Variants in SEMA3A observed in about 807,000 individuals in gnomAD.
The protein encoded by SEMA3A is semaphorin-3A.
Under a neutral mutation model 97.9 loss-of-function variants are expected in SEMA3A, and 29 were observed. The observed-to-expected ratio is 0.30, with a 90% CI of 0.22 to 0.40. SEMA3A has a LOEUF of 0.40. Among genes scored for constraint, SEMA3A ranks in the 10% least tolerant of loss-of-function variants. The probability of loss-of-function intolerance (pLI) is 1.00; values close to 1 mark genes in which losing one functional copy is unlikely to be tolerated. For synonymous variants in SEMA3A, 321 were observed against 323.7 expected, an observed-to-expected ratio of 0.99 and a Z score of 0.09; for missense variants, 763 against 951.3, an observed-to-expected ratio of 0.80 and a Z score of 2.60.
chr7:84,179,509 A>G (rs1797671540), intron 1 of SEMA3A, among the ~76,000 whole-genome samples: 1 of 152,166 alleles, frequency 6.6e-6, no homozygotes, highest in Non-Finnish European at 1.5e-5. Context: ...TCAATAGCAT[A>G]TCATAGAATA....
chr7:83,987,682 T>C (rs1204152496), intron 12 of SEMA3A, among the ~76,000 whole-genome samples: 1 of 152,198 alleles, frequency 6.6e-6, no homozygotes, highest in African/African-American at 2.4e-5. Flanking sequence ...ATGAACGAAT[T>C]CTTTACCAAT....
chr7:83,983,791 C>T (rs1344730670), intron 13 of SEMA3A, among the ~76,000 whole-genome samples: 2 of 152,102 alleles, frequency 1.3e-5, no homozygotes, highest in East Asian at 1.9e-4. Context: ...GCTTTTTCTG[C>T]CCAATTTAAC....
intron 15 of SEMA3A, among the ~76,000 whole-genome samples, chr7:83,966,990 C>T (rs1242337985): frequency 2.0e-5 from 3 of 152,146 alleles, no homozygotes; most frequent in African/African-American, 7.2e-5. Context: ...GGATTACAGG[C>T]ATGAGCCACC....
intron 3 of SEMA3A, among the ~76,000 whole-genome samples, chr7:84,127,388 C>T (rs779287230): frequency 1.3e-5 from 2 of 151,936 alleles, no homozygotes; most frequent in Non-Finnish European, 2.9e-5. Flanking sequence ...AATTTTCCAC[C>T]CACTGACTCC....
chr7:84,485,311 GT>G (rs545706729), intron 1 of SEMA3A, among the ~76,000 whole-genome samples: 2 of 151,610 alleles, frequency 1.3e-5, no homozygotes, highest in East Asian at 1.9e-4. Flanking sequence ...AAAAATCAAA[GT>G]TTTTTGGTAC....
chr7:84,271,097 C>A (rs776525326), intron 3 of SEMA3A, among the ~76,000 whole-genome samples: 1 of 151,960 alleles, frequency 6.6e-6, no homozygotes, highest in Non-Finnish European at 1.5e-5. Context: ...ATATTGTGGA[C>A]AATATCATCT....
chr7:84,321,831 G>A (rs1229387826), intron 2 of SEMA3A, among the ~76,000 whole-genome samples: 1 of 123,866 alleles, frequency 8.1e-6, no homozygotes, highest in Non-Finnish European at 1.6e-5. Flanking sequence ...AGCCAAGATA[G>A]TGCCACTGCA....
At chr7:84,369,226 G>A (rs952254777) in intron 2 of SEMA3A, among the ~76,000 whole-genome samples, 1 of 150,928 alleles carries the variant, frequency 6.6e-6, no homozygotes, top group Non-Finnish European at 1.5e-5. Flanking sequence ...TTATAAATAT[G>A]TATTTTAATA....
chr7:84,192,132 C>T (rs1798063346), intron 1 of SEMA3A, among the ~76,000 whole-genome samples: 1 of 151,856 alleles, frequency 6.6e-6, no homozygotes, highest in Non-Finnish European at 1.5e-5. Context: ...TTTAACTCTT[C>T]ATGAATCATG....
chr7:84,355,825 G>C (rs1212618063), intron 2 of SEMA3A, among the ~76,000 whole-genome samples: 1 of 151,792 alleles, frequency 6.6e-6, no homozygotes, highest in Non-Finnish European at 1.5e-5. Flanking sequence ...AGACCGAGAA[G>C]AAAAGATCTA....
intron 3 of SEMA3A, among the ~76,000 whole-genome samples, chr7:84,125,723 G>A (rs967310765): frequency 5.3e-5 from 8 of 152,292 alleles, no homozygotes; most frequent in African/African-American, 1.7e-4. Context: ...AAGATAGAGA[G>A]GGAGAGAGAG....
chr7:84,175,931 T>G (rs1797550965), intron 1 of SEMA3A, among the ~76,000 whole-genome samples: 1 of 152,152 alleles, frequency 6.6e-6, no homozygotes, highest in Non-Finnish European at 1.5e-5. Context: ...CACTTTTTAT[T>G]TATGGTCACA....
chr7:84,028,678 G>A (rs1439228496), intron 6 of SEMA3A, among the ~76,000 whole-genome samples: 1 of 152,134 alleles, frequency 6.6e-6, no homozygotes, highest in Non-Finnish European at 1.5e-5. Context: ...GATCTCGGCT[G>A]ACTGAAACCT....
At chr7:84,382,966 C>T (rs1345674873) in intron 1 of SEMA3A, among the ~76,000 whole-genome samples, 4 of 152,002 alleles carry the variant, frequency 2.6e-5, no homozygotes, top group Non-Finnish European at 5.9e-5. Flanking sequence ...TTCTAGATTA[C>T]AATAAACATA....
intron 4 of SEMA3A, among the ~76,000 whole-genome samples, chr7:84,088,503 T>C (rs1025998424): frequency 1.3e-5 from 2 of 152,146 alleles, no homozygotes; most frequent in African/African-American, 4.8e-5. Context: ...TTTATGTCTC[T>C]AAGTAAATTC....
rs377760623 is a variant in SEMA3A at position 84,050,163 on chromosome 7, C to T, written c.548-3720G>A. ...AAGTCTTTGTTATTGTGAATAATGC[C>T]GCAATAAACATACGTGTGCATGTGT... On this transcript the variant is annotated intron_variant, in intron 5 of 16. Coordinates refer to ENST00000265362, the MANE Select transcript of SEMA3A (RefSeq NM_006080.3). 7.2e-5 allele frequency among the ~76,000 whole-genome samples: 11 copies of T among 151,856 alleles called. No homozygotes were observed. The East Asian group carries it at 1.4e-3, about 19-fold the overall frequency.
chr7:84,484,842 T>C (rs1261736595), intron 1 of SEMA3A, among the ~76,000 whole-genome samples: 1 of 152,180 alleles, frequency 6.6e-6, no homozygotes, highest in Non-Finnish European at 1.5e-5. Context: ...TCATAATATA[T>C]TGAAGTAGTA....
intron 2 of SEMA3A, among the ~76,000 whole-genome samples, chr7:84,336,285 C>G (rs1001886476): frequency 1.3e-5 from 2 of 152,000 alleles, no homozygotes; most frequent in Admixed American, 1.3e-4. Flanking sequence ...TGGAAAGATC[C>G]TTTTCTAAAC....
chr7:84,056,644 C>G (rs998541393), intron 5 of SEMA3A, among the ~76,000 whole-genome samples: 1 of 151,974 alleles, frequency 6.6e-6, no homozygotes, highest in African/African-American at 2.4e-5. Flanking sequence ...CACACATACA[C>G]ACAGAGCACG....
Sources: allele counts gnomAD v4.1 joint callset (sites outside exome capture counted in the v4.1 genomes callset), GRCh38; gene constraint gnomAD v4.1.1; transcripts MANE v1.5; gene names NCBI Gene and HGNC (gene_info 2026-07-23, HGNC 2026-07-21).